The following IMPG2 variants were observed in gnomAD, a reference collection of about 807,000 sequenced individuals.
IMPG2 encodes the protein interphotoreceptor matrix proteoglycan 2.
In IMPG2, 91 loss-of-function variants were observed where a neutral mutation model predicts 129.2. The ratio of observed to expected loss-of-function variants is 0.70; its 90% CI spans 0.59 to 0.84. IMPG2 has a LOEUF of 0.84. Among genes scored for constraint, IMPG2 ranks in the 40% least tolerant of loss-of-function variants. The pLI, the probability that IMPG2 is intolerant of heterozygous loss-of-function variation, is 0.00. For missense variants in IMPG2, 1,430 were observed against 1,461.7 expected (o/e 0.98, Z 0.35); for synonymous variants, 510 against 517.7 (o/e 0.99, Z 0.20).
At position 101,243,959 on chromosome 3, in the gene IMPG2, T is replaced by C. The variant is rs752321097; in HGVS notation, c.2372A>G (p.Glu791Gly). The C allele has an allele frequency of 5.0e-6, 8 of 1,614,074 alleles. No individual in the cohort carries two copies. In the African/African-American group the frequency reaches 1.1e-4, roughly 22 times the overall value. The change falls in exon 13 of 19, where the codon GAG becomes GGG. Residue 791 changes from glutamate (E) to glycine (G), a missense_variant. Coordinates refer to ENST00000193391, the MANE Select transcript of IMPG2 (RefSeq NM_016247.4). The stretch of plus-strand genomic sequence containing the variant: ...TGCCAATATGTCTCTGGACAATTTC[T>C]CTAGGGAAGAAGTTCTTGTCCAAAC... The part of the protein sequence containing the change: ...ERVWTRTSSL[E>G]KLSRDILAST...
intron 7 of IMPG2, among the ~76,000 whole-genome samples, chr3:101,270,839 C>T (rs1183704847): frequency 6.6e-6 from 1 of 152,050 alleles, no homozygotes; most frequent in East Asian, 1.9e-4. Context: ...CATATTTTAA[C>T]AAAAATAAAC....
At chr3:101,227,907 C>T (rs1224683948) in intron 18 of IMPG2, 1 of 455,890 alleles carries the variant, frequency 2.2e-6, no homozygotes, top group African/African-American at 2.0e-5. Context: ...GTGTTCCACT[C>T]AGGGCCATGG....
At chr3:101,249,506 T>C (rs1413643703) in intron 11 of IMPG2, among the ~76,000 whole-genome samples, 2 of 151,314 alleles carry the variant, frequency 1.3e-5, no homozygotes, top group Non-Finnish European at 2.9e-5. Context: ...AAAAGAAAAG[T>C]GATAAAAAGT....
Position 101,244,512 on chromosome 3 carries a change from G to GC in IMPG2, c.1818dup (p.Gln607AlafsTer12), listed in dbSNP as rs1553681434. On this transcript the variant is annotated frameshift_variant, in exon 13 of 19. Coordinates refer to ENST00000193391, the MANE Select transcript of IMPG2 (RefSeq NM_016247.4). LOFTEE classifies it high-confidence loss of function. ...GGCCAAGTAATCAGATCTACCTTTT[G>GC]CCCAGACCCTGAACCTAAACCACCG... 6.2e-6 allele frequency: 10 copies of GC among 1,607,868 alleles called. No individual in the cohort carries two copies. Among genetic ancestry groups the GC allele is most frequent in the Non-Finnish European group, 8.5e-6 (10 of 1,176,058 alleles).
intron 9 of IMPG2, among the ~76,000 whole-genome samples, chr3:101,263,718 A>G (rs927341014): frequency 1.3e-5 from 2 of 151,978 alleles, no homozygotes; most frequent in African/African-American, 4.8e-5. Context: ...GCAGAAATAA[A>G]AGACATGGAG....
In IMPG2 at chr3:101,266,580, T is replaced by C. The variant is rs139818254; in HGVS notation, c.908+931A>G. Among the ~76,000 whole-genome samples the C allele has an allele frequency of 2.3e-4, 35 of 152,272 alleles. 1 individual carries two copies. In the East Asian group the frequency reaches 6.6e-3, roughly 29 times the overall value. ...TAAATTGCGTGCTTATATCTAATTA[T>C]ATGCTTACTTAGAAGTTCCAGGGGC... On this transcript the variant is annotated intron_variant, in intron 9 of 18. Coordinates refer to ENST00000193391, the MANE Select transcript of IMPG2 (RefSeq NM_016247.4).
rs1447611335 is a variant in IMPG2, at chr3:101,225,460, C to T, written c.*1509G>A. The T allele has an allele frequency of 2.0e-5, 3 of 152,278 alleles. No homozygotes were observed. The highest frequency in any genetic ancestry group is 7.2e-5 in the African/African-American group (3 of 41,466). 9.4% of individuals were successfully genotyped at this position (152,278 alleles called of 1,614,324 possible). ...ACACACACACAACCTGTTATCCATA[C>T]ATACTTTGCAAAATACCTGGCCATC... is the stretch of plus-strand genomic sequence containing the variant. On this transcript the variant is annotated 3_prime_UTR_variant, in exon 19 of 19. Coordinates refer to ENST00000193391, the MANE Select transcript of IMPG2 (RefSeq NM_016247.4).
Position 101,291,503 on chromosome 3 carries a change from G to A in IMPG2, c.509C>T (p.Thr170Ile). The A allele has an allele frequency of 6.2e-7, 1 of 1,612,628 alleles. No homozygotes were observed. Among genetic ancestry groups the A allele is most frequent in the Non-Finnish European group, 8.5e-7 (1 of 1,178,786 alleles). Reference protein sequence around the residue: ...EHRSLIMKKLTYAKETVSSSE... With the variant: ...EHRSLIMKKLIYAKETVSSSE... The stretch of plus-strand genomic sequence containing the variant: ...CCTGCTTACAGTTTCCTTTGCATAA[G>A]TCAGTTTCTAAGGAAAACAAAGATA... The change falls in exon 4 of 19, where the codon ACT becomes ATT. Residue 170 changes from threonine (T) to isoleucine (I), a missense_variant. Physicochemically the swap from Thr to Ile is moderately conservative, Grantham distance 89. Transcript: ENST00000193391.
chr3:101,256,556 T>C (rs542052156), intron 10 of IMPG2, among the ~76,000 whole-genome samples: 1 of 152,262 alleles, frequency 6.6e-6, no homozygotes, highest in Non-Finnish European at 1.5e-5. Flanking sequence ...CAAGCCTCTC[T>C]GGCTTCTCTA....
intron 12 of IMPG2, 140 bp from the exon 13 acceptor site, chr3:101,244,927 AAAC>A (rs1459674450): frequency 4.3e-6 from 3 of 701,524 alleles, no homozygotes; most frequent in Non-Finnish European, 7.4e-6. Flanking sequence ...TATATCTAGC[AAAC>A]AACAAGAAGA....
chr3:101,227,489 C>CATGT lies in IMPG2; in HGVS notation c.3714-512_3714-509dup, dbSNP rs1169340137. ...AAGGCTCTCCTGAATCCTTCCTTTG[C>CATGT]ATGTCTTAGCCTAGAAAAGATGCAT... On this transcript the variant is annotated intron_variant, in intron 18 of 18. Transcript: ENST00000193391. 5.3e-5 allele frequency among the ~76,000 whole-genome samples: 8 copies of CATGT among 152,326 alleles called. No individual in the cohort carries two copies. In the South Asian group the frequency reaches 8.3e-4, roughly 16 times the overall value.
At chr3:101,272,099 GCA>G (rs10575719) in intron 7 of IMPG2, among the ~76,000 whole-genome samples, 132,231 of 149,134 alleles carry the variant, frequency 0.89, 58,814 homozygotes, top group East Asian at 0.99. Flanking sequence ...TTTTACACAC[GCA>G]CACACACACA....
Position 101,231,071 on chromosome 3 carries a change from C to A in IMPG2, c.3308G>T (p.Gly1103Val). 6.2e-7 allele frequency: 1 copy of A among 1,614,078 alleles called. No homozygotes were observed. The highest frequency in any genetic ancestry group is 8.5e-7 in the Non-Finnish European group (1 of 1,180,000). Reference protein sequence around the residue: ...EEFVSEPVIIGITIASVVGLL... With the variant: ...EEFVSEPVIIVITIASVVGLL... The stretch of plus-strand genomic sequence containing the variant: ...TCCAACCACGGAGGCAATAGTGATG[C>A]CTATGATCACGGGCTCAGACACAAA... The change falls in exon 16 of 19, where the codon GGC (glycine) becomes GTC (valine). Residue 1103 changes from glycine (G) to valine (V), a missense_variant. Transcript: ENST00000193391.
rs1706625290 is a variant in IMPG2 at position 101,257,646 on chromosome 3, T to C, written c.1036A>G (p.Thr346Ala). 3 of 1,613,490 alleles carry C rather than the reference T, an allele frequency of 1.9e-6. No individual in the cohort carries two copies. Among genetic ancestry groups the C allele is most frequent in the Non-Finnish European group, 2.5e-6 (3 of 1,179,592 alleles). The change falls in exon 10 of 19, where the codon ACT becomes GCT. Residue 346 changes from threonine to alanine, a missense_variant. By Grantham distance (58) the Thr-to-Ala change is moderately conservative. Transcript: ENST00000193391. ...AAGTTACTGATTGTATAAACAACAG[T>C]GGGTTTATCATCCAGTTCCACAAGG... ...HGLVELDDKPTVVYTISNFRD... is the reference protein window; with the variant it reads ...HGLVELDDKPAVVYTISNFRD...
At chr3:101,259,533 G>A (rs1391592866) in intron 9 of IMPG2, among the ~76,000 whole-genome samples, 1 of 150,574 alleles carries the variant, frequency 6.6e-6, no homozygotes, top group African/African-American at 2.5e-5. Context: ...TGCTCAGCTT[G>A]GTACCTAGCA....
Position 101,228,883 on chromosome 3 carries a change from CAAA to C in IMPG2, c.3634-10_3634-8del, listed in dbSNP as rs768055873. ...TCATTCTCTCTTGAATTTCCTTAAA[CAAA>C]AAAGAAACAATAGGCCACACATTGC... On this transcript the variant is annotated splice_region_variant and splice_polypyrimidine_tract_variant and intron_variant, in intron 17 of 18. Coordinates refer to ENST00000193391, the MANE Select transcript of IMPG2 (RefSeq NM_016247.4). 1 of 1,609,274 alleles carries C rather than the reference CAAA, an allele frequency of 6.2e-7. No individual in the cohort carries two copies. The highest frequency in any genetic ancestry group is 2.2e-5 in the East Asian group (1 of 44,842).
chr3:101,256,928 G>A (rs1245641162), intron 10 of IMPG2, among the ~76,000 whole-genome samples: 1 of 152,004 alleles, frequency 6.6e-6, no homozygotes, highest in Non-Finnish European at 1.5e-5. Context: ...TAAGTCCCAG[G>A]TTGACTGGGC....
intron 8 of IMPG2, 129 bp downstream of exon 8, chr3:101,269,386 C>A: frequency 1.6e-6 from 1 of 620,018 alleles, no homozygotes. Flanking sequence ...TACTAATTTA[C>A]CAGAAATAGC....
intron 4 of IMPG2, among the ~76,000 whole-genome samples, chr3:101,289,825 G>A (rs2107125133): frequency 6.6e-6 from 1 of 151,704 alleles, no homozygotes; most frequent in East Asian, 1.9e-4. Context: ...AATAAGTGTT[G>A]ATTATATGAA....
Sources: gnomAD v4.1 joint callset for allele counts (sites outside exome capture counted in the v4.1 genomes callset) on GRCh38, gnomAD v4.1.1 for gene constraint, MANE v1.5 for transcripts, NCBI Gene and HGNC (gene_info 2026-07-23, HGNC 2026-07-21) for gene names.